The following HBZ variants were observed in gnomAD, a reference collection of about 807,000 sequenced individuals.
HBZ encodes hemoglobin zeta chain.
HBZ carries 2 observed loss-of-function variants against 5.8 expected under a neutral mutation model. That is an observed-to-expected ratio of 0.34 (90% CI 0.14 to 1.09). HBZ has a LOEUF of 1.09. Ranked by LOEUF, HBZ falls within the 50% of genes least tolerant of loss-of-function variation. The probability of loss-of-function intolerance (pLI) is 0.42; values close to 1 mark genes in which losing one functional copy is unlikely to be tolerated. For missense variants in HBZ, 47 were observed against 97.8 expected (o/e 0.48, Z 2.19); for synonymous variants, 39 against 47.4 (o/e 0.82, Z 0.73).
chr16:153,302 C>T (rs1388855676), intron 1 of HBZ, among the ~76,000 whole-genome samples: 5 of 150,230 alleles, frequency 3.3e-5, no homozygotes, highest in Admixed American at 6.6e-5. Context: ...CATCTGGGCT[C>T]GCTGAGACCT....
In HBZ at chr16:152,881, A is replaced by C. The variant is rs760785464; in HGVS notation, c.-29A>C. The C allele has an allele frequency of 5.6e-6, 9 of 1,610,978 alleles. No individual in the cohort carries two copies. Among genetic ancestry groups the C allele is most frequent in the Non-Finnish European group, 7.6e-6 (9 of 1,179,178 alleles). On this transcript the variant is annotated 5_prime_UTR_variant, in exon 1 of 3. Coordinates refer to ENST00000252951, the MANE Select transcript of HBZ (RefSeq NM_005332.3). ...CCAAGGCCAGTCCTGAGCAGGCCCA[A>C]CTCCAGTGCAGCTGCCCACCCTGCC...
rs1901662030 is a variant in HBZ at position 154,107 on chromosome 16, C to T, written c.300+11C>T. 9.4e-6 allele frequency: 2 copies of T among 213,824 alleles called. No homozygotes were observed. Among genetic ancestry groups the T allele is most frequent in the Non-Finnish European group, 1.2e-5 (2 of 161,160 alleles). The allele number at this position is 213,824 out of a possible 1,614,324, so 13.2% of individuals were successfully genotyped here. A position where few individuals can be genotyped will look rare whatever the true frequency, so the allele number is the denominator to read the frequency against. On this transcript the variant is annotated intron_variant, in intron 2 of 2. Coordinates refer to ENST00000252951, the MANE Select transcript of HBZ (RefSeq NM_005332.3). ...CCGGTCAACTTCAAGGTGCGCGGGG[C>T]GCGGTGCGGGCGGGGCGGGACGGGG...
Position 154,431 on chromosome 16 carries a change from G to T in HBZ, c.*31G>T. On this transcript the variant is annotated 3_prime_UTR_variant, in exon 3 of 3. Transcript: ENST00000252951. ...GCCTCCGGGACCCCCAGGACAGGCTGCGGCCCCTCCCCCGTCCTGGAGGTT... is the reference window on the plus strand; with the variant it reads ...GCCTCCGGGACCCCCAGGACAGGCTTCGGCCCCTCCCCCGTCCTGGAGGTT... The T allele has an allele frequency of 7.0e-7, 1 of 1,424,244 alleles. No individual in the cohort carries two copies. Among genetic ancestry groups the T allele is most frequent in the Non-Finnish European group, 9.4e-7 (1 of 1,066,088 alleles). 88.2% of individuals were successfully genotyped at this position (1,424,244 alleles called of 1,614,324 possible).
chr16:152,945 G>C lies in HBZ; in HGVS notation c.36G>C (p.Val12=), dbSNP rs760947000. 1 of 1,612,496 alleles carries C rather than the reference G, an allele frequency of 6.2e-7. No individual in the cohort carries two copies. Among genetic ancestry groups the C allele is most frequent in the Non-Finnish European group, 8.5e-7 (1 of 1,179,564 alleles). Residue 12 remains valine (V), a synonymous_variant, in exon 1 of 3, where the codon GTG becomes GTC. Transcript: ENST00000252951. ...SLTKTERTII[V]SMWAKISTQA... Reference sequence around the variant, plus strand: ...CCAAGACTGAGAGGACCATCATTGTGTCCATGTGGGCCAAGATCTCCACGC... The same window carrying C: ...CCAAGACTGAGAGGACCATCATTGTCTCCATGTGGGCCAAGATCTCCACGC...
At chr16:154,187 GGCGGGGTCGCGGGGCGGAT>G (rs1901671604) in intron 2 of HBZ, 66 bp from the exon 3 acceptor site, 1 of 31,108 alleles carries the variant, frequency 3.2e-5, no homozygotes, top group Non-Finnish European at 3.6e-5. Context: ...GGCGGGGAGG[GGCGGGGTCGCGGGGCGGAT>G]GCGGGGGTCG....
chr16:152,825 T>C lies in HBZ; in HGVS notation c.-85T>C. ...CAGCCTGGCTGGGCCCAGCTCCCTGTATATAAGGGGACCCTGGGGGCTGAG... is the reference window on the plus strand; with the variant it reads ...CAGCCTGGCTGGGCCCAGCTCCCTGCATATAAGGGGACCCTGGGGGCTGAG... On this transcript the variant is annotated 5_prime_UTR_variant, in exon 1 of 3. Coordinates refer to ENST00000252951, the MANE Select transcript of HBZ (RefSeq NM_005332.3). The C allele has an allele frequency of 6.3e-7, 1 of 1,582,106 alleles. No individual in the cohort carries two copies. Among genetic ancestry groups the C allele is most frequent in the Admixed American group, 1.7e-5 (1 of 57,766 alleles).
At chr16:154,136 G>GGCGGGGCGGGGCGGT (rs1901664577) in intron 2 of HBZ, 40 bp downstream of exon 2, 1 of 264,262 alleles carries the variant, frequency 3.8e-6, no homozygotes, top group Non-Finnish European at 5.3e-6. Context: ...GACGGGGCGG[G>GGCGGGGCGGGGCGGT]GCGCGGTGCG....
rs1444019989 is a variant in HBZ, at chr16:152,891, A to G, written c.-19A>G. 1.4e-5 allele frequency: 23 copies of G among 1,611,980 alleles called. No homozygotes were observed. Among genetic ancestry groups the G allele is most frequent in the Non-Finnish European group, 1.9e-5 (22 of 1,179,490 alleles). ...TCCTGAGCAGGCCCAACTCCAGTGC[A>G]GCTGCCCACCCTGCCGCCATGTCTC... On this transcript the variant is annotated 5_prime_UTR_variant, in exon 1 of 3. Transcript: ENST00000252951.
In HBZ at chr16:154,147, G is replaced by GGCGGT. The variant is rs1567158056; in HGVS notation, c.300+55_300+56insTGCGG. ...GCGGGACGGGGCGGGGCGCGGTGCGGGCGGGGCGGGGCGGGGCGGGGCGGG... is the reference window on the plus strand; with the variant it reads ...GCGGGACGGGGCGGGGCGCGGTGCGGGCGGTGCGGGGCGGGGCGGGGCGGGGCGGG... On this transcript the variant is annotated intron_variant, in intron 2 of 2. Transcript: ENST00000252951. 11 of 40,598 alleles carry GGCGGT rather than the reference G, an allele frequency of 2.7e-4. 1 individual carries two copies. In the South Asian group the frequency reaches 5.0e-3, roughly 18 times the overall value. The allele number at this position is 40,598 out of a possible 1,614,324, so 2.5% of individuals were successfully genotyped here. A position where few individuals can be genotyped will look rare whatever the true frequency, so the allele number is the denominator to read the frequency against.
rs2142007802 is a variant in HBZ, at chr16:154,355, G to A, written c.384G>A (p.Lys128=). The part of the protein sequence containing the change: ...FTAEAHAAWD[K]FLSVVSSVLT... Reference sequence around the variant, plus strand: ...CCGAGGCCCACGCCGCCTGGGACAAGTTCCTATCGGTCGTATCCTCTGTCC... The same window carrying A: ...CCGAGGCCCACGCCGCCTGGGACAAATTCCTATCGGTCGTATCCTCTGTCC... The change falls in exon 3 of 3, where the codon AAG becomes AAA. Residue 128 remains lysine (K), a synonymous_variant. Coordinates refer to ENST00000252951, the MANE Select transcript of HBZ (RefSeq NM_005332.3). 6.5e-7 allele frequency: 1 copy of A among 1,539,632 alleles called. No homozygotes were observed. The highest frequency in any genetic ancestry group is 2.5e-5 in the East Asian group (1 of 40,380).
intron 2 of HBZ, 33 bp downstream of exon 2, chr16:154,129 G>GC (rs1159793006): frequency 4.8e-5 from 14 of 294,310 alleles, no homozygotes; most frequent in South Asian, 1.3e-4. Context: ...GGGGCGGGAC[G>GC]GGGCGGGGCG....
Position 152,831 on chromosome 16 carries a change from A to C in HBZ, c.-79A>C. The C allele has an allele frequency of 1.3e-6, 2 of 1,593,560 alleles. No homozygotes were observed. The highest frequency in any genetic ancestry group is 1.7e-6 in the Non-Finnish European group (2 of 1,171,416). On this transcript the variant is annotated 5_prime_UTR_variant, in exon 1 of 3. The change abolishes the stop of an existing upstream ORF in the 5' untranslated region. Transcript: ENST00000252951. ...GGCTGGGCCCAGCTCCCTGTATATA[A>C]GGGGACCCTGGGGGCTGAGCACTAC...
Position 154,456 on chromosome 16 carries a change from T to C in HBZ, c.*56T>C. ...GCGGCCCCTCCCCCGTCCTGGAGGTTCCCCAGCCCCACTTACCGCGTAATG... is the reference window on the plus strand; with the variant it reads ...GCGGCCCCTCCCCCGTCCTGGAGGTCCCCCAGCCCCACTTACCGCGTAATG... On this transcript the variant is annotated 3_prime_UTR_variant, in exon 3 of 3. Transcript: ENST00000252951. 1 of 1,256,482 alleles carries C rather than the reference T, an allele frequency of 8.0e-7. No individual in the cohort carries two copies. 77.8% of individuals were successfully genotyped at this position (1,256,482 alleles called of 1,614,324 possible).
intron 1 of HBZ, 134 bp downstream of exon 1, chr16:153,138 T>C: frequency 2.8e-6 from 1 of 356,358 alleles, no homozygotes; most frequent in South Asian, 3.1e-5. Flanking sequence ...GAGGGCACTG[T>C]GGGGAGAGGA....
chr16:152,915 T>C lies in HBZ; in HGVS notation c.6T>C (p.Ser2=), dbSNP rs780652541. 3.6e-5 allele frequency: 58 copies of C among 1,612,458 alleles called. No homozygotes were observed. Among genetic ancestry groups the C allele is most frequent in the Non-Finnish European group, 4.7e-5 (56 of 1,179,620 alleles). ...CAGCTGCCCACCCTGCCGCCATGTCTCTGACCAAGACTGAGAGGACCATCA... is the reference window on the plus strand; with the variant it reads ...CAGCTGCCCACCCTGCCGCCATGTCCCTGACCAAGACTGAGAGGACCATCA... M[S]LTKTERTIIV... The change falls in exon 1 of 3, where the codon TCT becomes TCC. Residue 2 remains serine (S), a synonymous_variant. Transcript: ENST00000252951.
intron 1 of HBZ, among the ~76,000 whole-genome samples, chr16:153,275 A>T (rs1901652586): frequency 6.6e-6 from 1 of 151,276 alleles, no homozygotes; most frequent in Admixed American, 6.6e-5. Flanking sequence ...GGAGGGAACG[A>T]TTAGGAGTTG....
At position 152,943 on chromosome 16, in the gene HBZ, G is replaced by C; in HGVS notation, c.34G>C (p.Val12Leu). 1 of 1,612,742 alleles carries C rather than the reference G, an allele frequency of 6.2e-7. No homozygotes were observed. The highest frequency in any genetic ancestry group is 8.5e-7 in the Non-Finnish European group (1 of 1,179,670). ...GACCAAGACTGAGAGGACCATCATTGTGTCCATGTGGGCCAAGATCTCCAC... is the reference window on the plus strand; with the variant it reads ...GACCAAGACTGAGAGGACCATCATTCTGTCCATGTGGGCCAAGATCTCCAC... ...SLTKTERTII[V>L]SMWAKISTQA... The change falls in exon 1 of 3, where the codon GTG becomes CTG. Residue 12 changes from valine to leucine, a missense_variant. Val to Leu is a conservative substitution (Grantham distance 32, BLOSUM62 1). This residue lies in a region of HBZ where 29 missense variants were observed against 39.7 expected (regional missense o/e 0.73). Coordinates refer to ENST00000252951, the MANE Select transcript of HBZ (RefSeq NM_005332.3).
rs369964352 is a variant in HBZ, at chr16:152,872, G to A, written c.-38G>A. ...TGAGCACTACCAAGGCCAGTCCTGA[G>A]CAGGCCCAACTCCAGTGCAGCTGCC... On this transcript the variant is annotated 5_prime_UTR_variant, in exon 1 of 3. Coordinates refer to ENST00000252951, the MANE Select transcript of HBZ (RefSeq NM_005332.3). 13 of 1,610,698 alleles carry A rather than the reference G, an allele frequency of 8.1e-6. No individual in the cohort carries two copies. Among genetic ancestry groups the A allele is most frequent in the Middle Eastern group, 1.9e-4 (1 of 5,346 alleles).
chr16:152,698 C>T lies in HBZ; in HGVS notation c.-212C>T. 1 of 834,818 alleles carries T rather than the reference C, an allele frequency of 1.2e-6. No homozygotes were observed. The highest frequency in any genetic ancestry group is 1.8e-6 in the Non-Finnish European group (1 of 556,808). The allele number at this position is 834,818 out of a possible 1,614,324, so 51.7% of individuals were successfully genotyped here. A position where few individuals can be genotyped will look rare whatever the true frequency, so the allele number is the denominator to read the frequency against. ...ACAGGAGAGGAACAGGAGTGATAGC[C>T]CCCAAACCCCAGTCCCACCAGGCCC... On this transcript the variant is annotated 5_prime_UTR_variant, in exon 1 of 3. Coordinates refer to ENST00000252951, the MANE Select transcript of HBZ (RefSeq NM_005332.3).
Sources: gnomAD v4.1 joint callset for allele counts (sites outside exome capture counted in the v4.1 genomes callset) on GRCh38, gnomAD v4.1.1 for gene constraint, gnomAD v4.1.1 regional missense constraint, MANE v1.5 for transcripts, NCBI Gene and HGNC (gene_info 2026-07-23, HGNC 2026-07-21) for gene names.